EML1: variants seen among roughly 807,000 people sequenced by gnomAD.
EML1 encodes the protein EMAP like 1, also known as echinoderm microtubule-associated protein-like 1.
EML1 carries 27 observed loss-of-function variants against 110.4 expected under a neutral mutation model. The observed-to-expected ratio is 0.24, with a 90% CI of 0.18 to 0.34. The LOEUF is 0.34. EML1 is among the 10% of genes least tolerant of loss of function. The pLI, the probability that EML1 is intolerant of heterozygous loss-of-function variation, is 1.00. For synonymous variants in EML1, 344 were observed against 385.8 expected (o/e 0.89, Z 1.27); for missense variants, 741 against 1,030.9 (o/e 0.72, Z 3.85).
rs189501414 is a variant in EML1 at position 99,798,234 on chromosome 14, T to C, written c.67+4691T>C. Among the ~76,000 whole-genome samples, 5 of 152,260 alleles carry C rather than the reference T, an allele frequency of 3.3e-5. No individual in the cohort carries two copies. In the East Asian group the frequency reaches 9.6e-4, roughly 29 times the overall value. ...TCTTCTAGCTCTTAAGACGTAATTT[T>C]AGACCCTTAATCATCCTGGTTGCTT... On this transcript the variant is annotated intron_variant, in intron 1 of 21. Transcript: ENST00000262233.
At chr14:99,815,909 CA>C (rs1434971796) in intron 1 of EML1, among the ~76,000 whole-genome samples, 1 of 152,072 alleles carries the variant, frequency 6.6e-6, no homozygotes, top group African/African-American at 2.4e-5. Flanking sequence ...AGAAATCTGA[CA>C]GGGGTAAGAA....
At chr14:99,841,539 C>T (rs1190363165) in intron 1 of EML1, among the ~76,000 whole-genome samples, 3 of 152,160 alleles carry the variant, frequency 2.0e-5, no homozygotes, top group Non-Finnish European at 4.4e-5. Context: ...TCTCTTGTGC[C>T]TCTAAAGCCC....
chr14:99,900,879 CAT>C (rs1399757019), intron 8 of EML1, 48 bp from the exon 9 acceptor site: 4 of 1,488,400 alleles, frequency 2.7e-6, no homozygotes, highest in South Asian at 2.3e-5. Context: ...GGTAAAGACA[CAT>C]GTGTATCACC....
At chr14:99,917,043 T>A (rs1411591053) in intron 15 of EML1, among the ~76,000 whole-genome samples, 2 of 152,164 alleles carry the variant, frequency 1.3e-5, no homozygotes, top group African/African-American at 4.8e-5. Flanking sequence ...CTCCATAGTG[T>A]TTTGCACCCA....
intron 1 of EML1, among the ~76,000 whole-genome samples, chr14:99,823,989 G>T (rs972279887): frequency 2.6e-5 from 4 of 151,990 alleles, no homozygotes; most frequent in Non-Finnish European, 4.4e-5. Context: ...GTCTCGCTCT[G>T]TCGCCAGGCT....
intron 2 of EML1, among the ~76,000 whole-genome samples, chr14:99,858,882 A>C (rs1216264117): frequency 6.6e-6 from 1 of 152,210 alleles, no homozygotes; most frequent in East Asian, 1.9e-4. Flanking sequence ...TAAACTTTGG[A>C]TTTCCTCATA....
intron 1 of EML1, among the ~76,000 whole-genome samples, chr14:99,796,650 C>T (rs1472761116): frequency 6.6e-6 from 1 of 150,688 alleles, no homozygotes; most frequent in African/African-American, 2.4e-5. Flanking sequence ...CTATCATGCC[C>T]AGCTCACAAA....
chr14:99,801,112 C>T (rs531912577), intron 1 of EML1, among the ~76,000 whole-genome samples: 1 of 152,372 alleles, frequency 6.6e-6, no homozygotes, highest in East Asian at 1.9e-4. Flanking sequence ...GACCCACCGT[C>T]CTGGACTGCA....
Position 99,917,816 on chromosome 14 carries a change from G to T in EML1, c.1787G>T (p.Gly596Val). ...CAGTCTTCTGGTTTTCATCCTTCAG[G>T]GTCTGTGGTTGCAGTCGGAACACTC... ...PAQSSGFHPS[G>V]SVVAVGTLTG... The change falls in exon 16 of 22, where the codon GGG (glycine) becomes GTG (valine). Residue 596 changes from glycine (G) to valine (V), a missense_variant. Gly to Val is a moderately radical substitution (Grantham distance 109). Around this residue, in one of 4 missense-constraint regions of EML1, gnomAD observed 388 missense variants for 605.6 expected, o/e 0.64. Transcript: ENST00000262233. The T allele has an allele frequency of 3.1e-6, 5 of 1,614,018 alleles. No homozygotes were observed. Among genetic ancestry groups the T allele is most frequent in the Non-Finnish European group, 3.4e-6 (4 of 1,180,014 alleles).
intron 1 of EML1, among the ~76,000 whole-genome samples, chr14:99,756,281 G>A (rs1031735667): frequency 2.0e-5 from 3 of 152,344 alleles, no homozygotes; most frequent in Admixed American, 2.0e-4. Context: ...TTGGTGGTGG[G>A]GGCAGGGTCA....
rs1452008295 is a variant in EML1 at position 99,907,816 on chromosome 14, G to A, written c.1104+83G>A. ...GGCATAGTGGTAGCCCCCTTTCAGC[G>A]GGCTCATTCCCACCCCAGCCCTTGT... On this transcript the variant is annotated intron_variant, in intron 10 of 21. Coordinates refer to ENST00000262233, the MANE Select transcript of EML1 (RefSeq NM_004434.3). The A allele has an allele frequency of 6.7e-6, 9 of 1,335,412 alleles. No homozygotes were observed. In the Admixed American group the frequency reaches 7.6e-5, roughly 11 times the overall value. 82.7% of individuals were successfully genotyped at this position (1,335,412 alleles called of 1,614,324 possible).
At chr14:99,814,444 T>G (rs562583247) in intron 1 of EML1, among the ~76,000 whole-genome samples, 43 of 152,128 alleles carry the variant, frequency 2.8e-4, no homozygotes, top group African/African-American at 1.0e-3. Context: ...TTTCTAAATT[T>G]TGTAGTGCTG....
intron 1 of EML1, among the ~76,000 whole-genome samples, chr14:99,836,587 T>C (rs1459333707): frequency 1.3e-5 from 2 of 152,226 alleles, no homozygotes; most frequent in Non-Finnish European, 2.9e-5. Flanking sequence ...ATTTAATTGT[T>C]CTTGTCTACT....
intron 2 of EML1, among the ~76,000 whole-genome samples, chr14:99,860,251 C>T (rs539895912): frequency 6.6e-6 from 1 of 152,178 alleles, no homozygotes; most frequent in African/African-American, 2.4e-5. Flanking sequence ...CGTGTTTTGC[C>T]TCTAGGAAAA....
rs1450056870 is a variant in EML1, at chr14:99,784,116, G to T, written c.-27+10103G>T. 6.6e-6 allele frequency among the ~76,000 whole-genome samples: 1 copy of T among 151,494 alleles called. No homozygotes were observed. The highest frequency in any genetic ancestry group is 1.9e-4 in the East Asian group (1 of 5,146). On this transcript the variant is annotated intron_variant, in intron 1 of 22. Transcript: ENST00000327921. The surrounding 1 kb of genome is among the most constrained non-coding windows in gnomAD (Gnocchi z 4.5). Reference sequence around the variant, plus strand: ...TGTCTTCTTTTTTTTTTTGAGATAGGATCTTGCTCTGTCGCCCAGGCTGGA... The same window carrying T: ...TGTCTTCTTTTTTTTTTTGAGATAGTATCTTGCTCTGTCGCCCAGGCTGGA...
intron 2 of EML1, among the ~76,000 whole-genome samples, chr14:99,852,893 T>C (rs1478510535): frequency 6.6e-6 from 1 of 152,232 alleles, no homozygotes; most frequent in African/African-American, 2.4e-5. Flanking sequence ...TTTTTCCTCC[T>C]GAGTTACAAA....
intron 1 of EML1, among the ~76,000 whole-genome samples, chr14:99,820,151 A>G (rs2058237869): frequency 6.6e-6 from 1 of 152,232 alleles, no homozygotes; most frequent in African/African-American, 2.4e-5. Context: ...TCAACCTGGT[A>G]TGTGGTTGTG....
chr14:99,825,144 C>T (rs1489990825), intron 1 of EML1, among the ~76,000 whole-genome samples: 10 of 152,156 alleles, frequency 6.6e-5, no homozygotes, highest in South Asian at 4.1e-4. Context: ...CCACTATGCT[C>T]GGCTAGTTTT....
rs1054293008 is a variant in EML1 at position 99,940,334 on chromosome 14, A to G, written c.*222A>G. 2 of 422,756 alleles carry G rather than the reference A, an allele frequency of 4.7e-6. No homozygotes were observed. Among genetic ancestry groups the G allele is most frequent in the African/African-American group, 2.0e-5 (1 of 48,960 alleles). The allele number at this position is 422,756 out of a possible 1,614,324, so 26.2% of individuals were successfully genotyped here. A position where few individuals can be genotyped will look rare whatever the true frequency, so the allele number is the denominator to read the frequency against. ...CAATATATGACACAGTGCACATTGA[A>G]TACCAACAAGGTTGCAACGTTTACA... On this transcript the variant is annotated 3_prime_UTR_variant, in exon 22 of 22. Coordinates refer to ENST00000262233, the MANE Select transcript of EML1 (RefSeq NM_004434.3).
Sources: allele counts gnomAD v4.1 joint callset (sites outside exome capture counted in the v4.1 genomes callset), GRCh38; gene constraint gnomAD v4.1.1; regional missense constraint gnomAD v4.1.1; non-coding constraint Gnocchi (gnomAD v3.1); transcripts MANE v1.5; gene names NCBI Gene and HGNC (gene_info 2026-07-23, HGNC 2026-07-21).